The following CLVS1 variants were observed in gnomAD, a reference collection of about 807,000 sequenced individuals.
The protein encoded by CLVS1 is clavesin-1.
Under a neutral mutation model 33.1 loss-of-function variants are expected in CLVS1, and 10 were observed. The ratio of observed to expected loss-of-function variants is 0.30; its 90% CI spans 0.19 to 0.51. CLVS1 has a LOEUF of 0.51. CLVS1 is among the 20% of genes least tolerant of loss of function. CLVS1 has a pLI of 0.97. For missense variants in CLVS1, 343 were observed against 433.4 expected (o/e 0.79, Z 1.85); for synonymous variants, 163 against 166.1 (o/e 0.98, Z 0.14).
Position 61,471,391 on chromosome 8 carries a change from A to C in CLVS1, c.977+12849A>C, listed in dbSNP as rs72657072. Among the ~76,000 whole-genome samples the C allele has an allele frequency of 2.5e-3, 379 of 152,258 alleles. 1 individual carries two copies. The highest frequency in any genetic ancestry group is 4.6e-3 in the Non-Finnish European group (313 of 68,012). On this transcript the variant is annotated intron_variant, in intron 5 of 5. Transcript: ENST00000325897. ...ACGGTTTTGATTTCTTTCCAAATAAAAGTTTTCTCACTAAAAATGAAAAAT... is the reference window on the plus strand; with the variant it reads ...ACGGTTTTGATTTCTTTCCAAATAACAGTTTTCTCACTAAAAATGAAAAAT...
rs1811082626 is a variant in CLVS1 at position 61,318,392 on chromosome 8, T to C, written c.455+18110T>C. ...TATTGAACATATACTGCATGCCAGA[T>C]GTTTCCTAGATACCAGGAATACAGA... is the stretch of plus-strand genomic sequence containing the variant. On this transcript the variant is annotated intron_variant, in intron 2 of 5. Coordinates refer to ENST00000325897, the MANE Select transcript of CLVS1 (RefSeq NM_173519.3). 2.6e-5 allele frequency among the ~76,000 whole-genome samples: 4 copies of C among 152,182 alleles called. No homozygotes were observed. In the South Asian group the frequency reaches 8.3e-4, roughly 32 times the overall value.
chr8:61,435,001 A>G (rs1816269533), intron 3 of CLVS1, among the ~76,000 whole-genome samples: 1 of 152,224 alleles, frequency 6.6e-6, no homozygotes, highest in Non-Finnish European at 1.5e-5. Flanking sequence ...TGCCAGAGTC[A>G]GATTGAAAAG....
Position 61,364,921 on chromosome 8 carries a change from G to C in CLVS1, c.456-11684G>C, listed in dbSNP as rs375753462. ...CTTCCCATGAAAAGCAATACATACA[G>C]AGTTGCTTTACTAATTCACTATTTA... On this transcript the variant is annotated intron_variant, in intron 2 of 5. Transcript: ENST00000325897. Among the ~76,000 whole-genome samples the C allele has an allele frequency of 1.6e-4, 25 of 152,332 alleles. 1 individual carries two copies. The East Asian group carries it at 3.7e-3, about 22-fold the overall frequency.
At chr8:61,287,734 C>G (rs529908273), upstream of CLVS1, among the ~76,000 whole-genome samples, 1 of 152,310 alleles carries the variant, frequency 6.6e-6, no homozygotes, top group Admixed American at 6.5e-5. Context: ...AATTTACACA[C>G]ACACACACAG....
intron 5 of CLVS1, among the ~76,000 whole-genome samples, chr8:61,469,168 G>A (rs1229038192): frequency 1.3e-5 from 2 of 152,148 alleles, no homozygotes; most frequent in Non-Finnish European, 2.9e-5. Context: ...TGTGTTTCAT[G>A]GAATCAAAAG....
chr8:61,237,113 A>T (rs1211263735), intron 2 of CLVS1, among the ~76,000 whole-genome samples: 1 of 152,224 alleles, frequency 6.6e-6, no homozygotes, highest in Non-Finnish European at 1.5e-5. Flanking sequence ...GGGGATTTTT[A>T]AAATTAGCTG....
intron 1 of CLVS1, among the ~76,000 whole-genome samples, chr8:61,118,865 A>T (rs1162130571): frequency 1.3e-5 from 2 of 151,916 alleles, no homozygotes; most frequent in African/African-American, 2.4e-5. Flanking sequence ...TGGGGTGGAG[A>T]GTTCTGTGGA....
At chr8:61,027,215 A>G in the CLVS1 span, among the ~76,000 whole-genome samples, 4 of 152,240 alleles carry the variant, frequency 2.6e-5, no homozygotes, top group African/African-American at 9.6e-5. Flanking sequence ...GACAAACAGT[A>G]TCTTGAGGAG....
At chr8:61,265,617 T>C (rs2919311) in intron 2 of CLVS1, among the ~76,000 whole-genome samples, 104,440 of 152,056 alleles carry the variant, frequency 0.69, 38,267 homozygotes, top group East Asian at 0.97. Context: ...CAAAATATAC[T>C]CTAAATTTGA....
intron 2 of CLVS1, among the ~76,000 whole-genome samples, chr8:61,364,505 A>C (rs1813110866): frequency 6.6e-6 from 1 of 152,226 alleles, no homozygotes; most frequent in Non-Finnish European, 1.5e-5. Flanking sequence ...CAGTTACATA[A>C]TAATTTCCTA....
chr8:61,454,537 T>G (rs1817078519), intron 4 of CLVS1, among the ~76,000 whole-genome samples: 1 of 152,208 alleles, frequency 6.6e-6, no homozygotes, highest in Admixed American at 6.5e-5. Flanking sequence ...TGTAAATTCT[T>G]ATGGGAGATA....
intron 2 of CLVS1, among the ~76,000 whole-genome samples, chr8:61,154,513 AAAG>A (rs1202980423): frequency 2.0e-5 from 3 of 152,222 alleles, no homozygotes; most frequent in Non-Finnish European, 4.4e-5. Context: ...ATATAACAAA[AAAG>A]AAAACAAAAT....
intron 2 of CLVS1, among the ~76,000 whole-genome samples, chr8:61,141,079 T>C (rs1806300091): frequency 6.6e-6 from 1 of 152,232 alleles, no homozygotes; most frequent in East Asian, 1.9e-4. Context: ...TGCGCTCATC[T>C]GAACTCATCT....
chr8:61,461,498 C>T (rs1267222603), intron 5 of CLVS1, among the ~76,000 whole-genome samples: 1 of 152,120 alleles, frequency 6.6e-6, no homozygotes, highest in African/African-American at 2.4e-5. Flanking sequence ...TATTTTGGTA[C>T]AAAAATTTTT....
In CLVS1 at chr8:61,133,068, C is replaced by G. The variant is rs181768156; in HGVS notation, c.-152+1208C>G. Among the ~76,000 whole-genome samples, 153 of 152,312 alleles carry G rather than the reference C, an allele frequency of 1.0e-3. 1 individual carries two copies. Among genetic ancestry groups the G allele is most frequent in the African/African-American group, 3.4e-3 (141 of 41,554 alleles). ...CCTGAGTCCTATAGCAACCAGCATGCTTCCACTGCAAAGTCTGGAAATGCA... is the reference window on the plus strand; with the variant it reads ...CCTGAGTCCTATAGCAACCAGCATGGTTCCACTGCAAAGTCTGGAAATGCA... On this transcript the variant is annotated intron_variant, in intron 2 of 2. Transcript: ENST00000522621.
intron 3 of CLVS1, among the ~76,000 whole-genome samples, chr8:61,443,399 GAATCA>G (rs1384226552): frequency 6.6e-6 from 1 of 151,872 alleles, no homozygotes; most frequent in Non-Finnish European, 1.5e-5. Context: ...GTTAATTTTT[GAATCA>G]ATTTTGTATG....
chr8:61,427,902 G>A (rs1359440849), intron 3 of CLVS1, among the ~76,000 whole-genome samples: 1 of 152,180 alleles, frequency 6.6e-6, no homozygotes, highest in Non-Finnish European at 1.5e-5. Context: ...TCTCCGGAGA[G>A]CCCTACAAAC....
At chr8:61,424,075 G>A (rs1341089245) in intron 3 of CLVS1, among the ~76,000 whole-genome samples, 2 of 152,154 alleles carry the variant, frequency 1.3e-5, no homozygotes, top group African/African-American at 2.4e-5. Flanking sequence ...ACAGTACAGG[G>A]CCACCTGTGA....
At chr8:61,143,338 G>T (rs1342748687) in intron 2 of CLVS1, among the ~76,000 whole-genome samples, 1 of 152,128 alleles carries the variant, frequency 6.6e-6, no homozygotes, top group Non-Finnish European at 1.5e-5. Flanking sequence ...TTCAAGCAAG[G>T]CTATCTTCAG....
Sources: gnomAD v4.1 joint callset for allele counts (sites outside exome capture counted in the v4.1 genomes callset) on GRCh38, gnomAD v4.1.1 for gene constraint, MANE v1.5 for transcripts, NCBI Gene and HGNC (gene_info 2026-07-23, HGNC 2026-07-21) for gene names.